Variants in RARB observed in about 807,000 individuals in gnomAD.
The protein encoded by RARB is retinoic acid receptor beta, also known as HBV-activated protein.
Under a neutral mutation model 51.9 loss-of-function variants are expected in RARB, and 17 were observed. The observed-to-expected ratio is 0.33, with a 90% CI of 0.22 to 0.49. The LOEUF (loss-of-function observed/expected upper bound fraction) is 0.49. Ranked by LOEUF, RARB falls within the 20% of genes least tolerant of loss-of-function variation. The probability of loss-of-function intolerance (pLI) is 0.99; values close to 1 mark genes in which losing one functional copy is unlikely to be tolerated. For missense variants in RARB, 369 were observed against 550.8 expected, an observed-to-expected ratio of 0.67 and a Z score of 3.30; for synonymous variants, 215 against 195.4, an observed-to-expected ratio of 1.10 and a Z score of -0.84.
At chr3:24,909,706 T>C (rs1237738971) in intron 2 of RARB, among the ~76,000 whole-genome samples, 6 of 152,142 alleles carry the variant, frequency 3.9e-5, no homozygotes, top group Non-Finnish European at 5.9e-5. Context: ...TCCTGTCTTT[T>C]AACCGTGATG....
chr3:25,414,998 T>C (rs1408153058), intron 5 of RARB, among the ~76,000 whole-genome samples: 1 of 152,084 alleles, frequency 6.6e-6, no homozygotes, highest in African/African-American at 2.4e-5. Context: ...CCTGCCACCA[T>C]GTCCAGCTAA....
At chr3:25,323,587 A>G (rs1575312133) in intron 5 of RARB, among the ~76,000 whole-genome samples, 1 of 152,232 alleles carries the variant, frequency 6.6e-6, no homozygotes, top group African/African-American at 2.4e-5. Context: ...AGTAGATGCC[A>G]TAACTTTGGC....
chr3:25,269,936 G>A (rs1300712140), intron 5 of RARB, among the ~76,000 whole-genome samples: 1 of 152,108 alleles, frequency 6.6e-6, no homozygotes, highest in Non-Finnish European at 1.5e-5. Flanking sequence ...TTAGGGAAAG[G>A]CAAAATAGAA....
In RARB at chr3:25,166,644, G is replaced by C. The variant is rs147709013; in HGVS notation, c.-279-7475G>C. ...ATGTTAGCCACATCAGCCACATTGT[G>C]AGTAAATTGCAGCCAGAGGAAATGG... On this transcript the variant is annotated intron_variant, in intron 4 of 11. Coordinates refer to the RARB transcript ENST00000383772. Among the ~76,000 whole-genome samples, 114 of 152,262 alleles carry C rather than the reference G, an allele frequency of 7.5e-4. 1 individual carries two copies. The highest frequency in any genetic ancestry group is 2.7e-3 in the African/African-American group (113 of 41,556).
chr3:24,903,912 C>CATATAACT (rs1694786365), intron 2 of RARB, among the ~76,000 whole-genome samples: 4 of 152,028 alleles, frequency 2.6e-5, no homozygotes, highest in Admixed American at 2.0e-4. Flanking sequence ...ATCTAGATAC[C>CATATAACT]TAAGTCACAA....
chr3:24,870,389 T>A (rs1035008239), intron 2 of RARB, among the ~76,000 whole-genome samples: 24 of 152,106 alleles, frequency 1.6e-4, no homozygotes, highest in Non-Finnish European at 3.2e-4. Flanking sequence ...AACACTATTT[T>A]ATAGTCCAAA....
intron 3 of RARB, among the ~76,000 whole-genome samples, chr3:25,503,748 G>A (rs1697428802): frequency 6.6e-6 from 1 of 152,168 alleles, no homozygotes; most frequent in South Asian, 2.1e-4. Context: ...GAAACAGAAG[G>A]AAGCAGGCAA....
At chr3:25,220,449 A>G (rs369718053) in intron 5 of RARB, among the ~76,000 whole-genome samples, 38 of 152,328 alleles carry the variant, frequency 2.5e-4, no homozygotes, top group African/African-American at 9.1e-4. Context: ...GCTAACTTGC[A>G]TGGTTAGGCT....
intron 3 of RARB, among the ~76,000 whole-genome samples, chr3:25,512,287 G>C (rs1697935302): frequency 1.3e-5 from 2 of 152,144 alleles, no homozygotes; most frequent in Admixed American, 1.3e-4. Context: ...TTCCGACCCA[G>C]TGGTCCCTTT....
At chr3:25,000,079 T>G (rs1199569196) in intron 2 of RARB, among the ~76,000 whole-genome samples, 1 of 152,070 alleles carries the variant, frequency 6.6e-6, no homozygotes, top group African/African-American at 2.4e-5. Context: ...CTTCAATCAT[T>G]AGAATGAGAG....
In RARB at chr3:25,243,425, G is replaced by A. The variant is rs113589026; in HGVS notation, c.178+68850G>A. On this transcript the variant is annotated intron_variant, in intron 5 of 11. Coordinates refer to the RARB transcript ENST00000383772. ...AATGGTTCCAGCTTATGCCCATTCA[G>A]TGTGATATTGGCTGTGGGTTTGTCA... 2.8e-3 allele frequency among the ~76,000 whole-genome samples: 427 copies of A among 152,286 alleles called. 3 individuals carry two copies. The highest frequency in any genetic ancestry group is 9.9e-3 in the African/African-American group (411 of 41,548).
chr3:25,293,351 G>A (rs572557443), intron 5 of RARB, among the ~76,000 whole-genome samples: 9 of 151,978 alleles, frequency 5.9e-5, no homozygotes, highest in Non-Finnish European at 8.8e-5. Flanking sequence ...ACTTCATAAA[G>A]TCCTTAAGAG....
chr3:24,847,901 C>T (rs757982212), intron 1 of RARB, among the ~76,000 whole-genome samples: 2 of 152,172 alleles, frequency 1.3e-5, no homozygotes, highest in Non-Finnish European at 2.9e-5. Flanking sequence ...GTGGAAAGAC[C>T]AGGGGTGCCC....
chr3:24,858,320 A>G (rs1028543372), intron 1 of RARB, among the ~76,000 whole-genome samples: 2 of 152,164 alleles, frequency 1.3e-5, no homozygotes, highest in Non-Finnish European at 1.5e-5. Flanking sequence ...TCAAAGGTCC[A>G]TGCTAGTGGG....
chr3:25,181,584 T>G (rs1475420647), intron 5 of RARB, among the ~76,000 whole-genome samples: 1 of 152,194 alleles, frequency 6.6e-6, no homozygotes, highest in Non-Finnish European at 1.5e-5. Flanking sequence ...AATAAAGAAG[T>G]GCCTCATGTT....
At chr3:24,988,646 C>T (rs2125432874) in intron 2 of RARB, among the ~76,000 whole-genome samples, 1 of 152,206 alleles carries the variant, frequency 6.6e-6, no homozygotes, top group East Asian at 1.9e-4. Context: ...TACTATCCCA[C>T]TCTACCTTCC....
chr3:25,050,519 G>A lies in RARB; in HGVS notation c.-379-9606G>A, dbSNP rs1055314673. ...AAAGTATTATGTGTATTCACTTTAC[G>A]AAGTCAAATAGTTCTATAAGGCTTT... is the stretch of plus-strand genomic sequence containing the variant. On this transcript the variant is annotated intron_variant, in intron 2 of 11. Transcript: ENST00000383772. 4.6e-5 allele frequency among the ~76,000 whole-genome samples: 7 copies of A among 152,028 alleles called. No homozygotes were observed. The East Asian group carries it at 5.8e-4, about 13-fold the overall frequency.
intron 2 of RARB, among the ~76,000 whole-genome samples, chr3:25,056,920 C>A (rs1698453116): frequency 6.6e-6 from 1 of 152,054 alleles, no homozygotes; most frequent in Non-Finnish European, 1.5e-5. Flanking sequence ...AATTGATTGA[C>A]TGTAGCACTA....
intron 2 of RARB, among the ~76,000 whole-genome samples, chr3:24,962,660 G>A (rs1360404292): frequency 6.6e-6 from 1 of 152,182 alleles, no homozygotes; most frequent in Non-Finnish European, 1.5e-5. Flanking sequence ...ATCATGAGCT[G>A]CACATGGAAG....
Sources: gnomAD v4.1 joint callset for allele counts (sites outside exome capture counted in the v4.1 genomes callset) on GRCh38, gnomAD v4.1.1 for gene constraint, MANE v1.5 for transcripts, NCBI Gene and HGNC (gene_info 2026-07-23, HGNC 2026-07-21) for gene names.